Variants in SP100 observed in about 807,000 individuals in gnomAD.
SP100 encodes the protein SP100 nuclear body protein.
In SP100, 84 loss-of-function variants were observed where a neutral mutation model predicts 130.0. The observed-to-expected ratio is 0.65, with a 90% CI of 0.54 to 0.77. The LOEUF (loss-of-function observed/expected upper bound fraction) is 0.77, where lower values mean the gene tolerates loss of function less well. Among genes scored for constraint, SP100 ranks in the 30% least tolerant of loss-of-function variants. The pLI, the probability that SP100 is intolerant of heterozygous loss-of-function variation, is 0.00. For missense variants in SP100, 978 were observed against 1,052.2 expected, an observed-to-expected ratio of 0.93 and a Z score of 0.97; for synonymous variants, 331 against 351.7, an observed-to-expected ratio of 0.94 and a Z score of 0.66.
intron 3 of SP100, among the ~76,000 whole-genome samples, 184 bp from the exon 4 acceptor site, chr2:230,443,993 AT>A (rs2063579328): frequency 6.6e-6 from 1 of 152,236 alleles, no homozygotes; most frequent in East Asian, 1.9e-4. Flanking sequence ...ATCAGTGGGC[AT>A]TTTTAAGGAC....
intron 24 of SP100, 133 bp downstream of exon 24, chr2:230,511,299 C>T: frequency 4.2e-6 from 3 of 719,570 alleles, no homozygotes; most frequent in South Asian, 1.5e-5. Flanking sequence ...TTAGAAGATG[C>T]AAGCCAGGTA....
chr2:230,504,349 C>A, intron 21 of SP100, 59 bp downstream of exon 21: 3 of 1,029,816 alleles, frequency 2.9e-6, no homozygotes, highest in Non-Finnish European at 3.0e-6. Flanking sequence ...AGATAGCATA[C>A]TGTTTAGGAG....
chr2:230,480,235 T>G (rs1272210545), intron 17 of SP100, among the ~76,000 whole-genome samples: 13 of 152,232 alleles, frequency 8.5e-5, no homozygotes, highest in Non-Finnish European at 1.8e-4. Context: ...TGATTCACAG[T>G]AAGTGCCCGA....
intron 18 of SP100, among the ~76,000 whole-genome samples, chr2:230,497,573 AAAGGAAAGGAAAGGAAAG>A (rs2066762409): frequency 7.5e-6 from 1 of 133,256 alleles, no homozygotes; most frequent in African/African-American, 2.6e-5. Flanking sequence ...AAAGGAAAGG[AAAGGAAAGGAAAGGAAAG>A]GAAAGGAAAG....
chr2:230,436,390 G>T (rs982202928), intron 2 of SP100, among the ~76,000 whole-genome samples: 2 of 152,060 alleles, frequency 1.3e-5, no homozygotes, highest in African/African-American at 2.4e-5. Flanking sequence ...GGTGTTAAGG[G>T]AGAGACCAGA....
intron 24 of SP100, chr2:230,514,968 AG>A: frequency 1.3e-6 from 2 of 1,492,126 alleles, no homozygotes; most frequent in African/African-American, 2.8e-5. Context: ...GGCGCAAGTG[AG>A]AGCTGGACAG....
chr2:230,506,824 C>T (rs1678176), intron 22 of SP100: 119,519 of 151,802 alleles, frequency 0.79, 47,777 homozygotes, highest in Middle Eastern at 0.85. Flanking sequence ...CACACACACA[C>T]ATATTTAACA....
At chr2:230,505,752 C>T (rs953810397) in intron 21 of SP100, among the ~76,000 whole-genome samples, 1 of 152,186 alleles carries the variant, frequency 6.6e-6, no homozygotes, top group Non-Finnish European at 1.5e-5. Flanking sequence ...CACTATATAA[C>T]ATTTCCATAA....
At chr2:230,439,310 A>T (rs1183130321) in intron 2 of SP100, among the ~76,000 whole-genome samples, 1 of 151,730 alleles carries the variant, frequency 6.6e-6, no homozygotes, top group Non-Finnish European at 1.5e-5. Context: ...GAATTTTAGG[A>T]TTGTTTTTTC....
chr2:230,515,089 T>G, intron 24 of SP100: 1 of 1,612,558 alleles, frequency 6.2e-7, no homozygotes, highest in Admixed American at 1.7e-5. Flanking sequence ...TGTGCAAACT[T>G]GTCAGGAGGA....
chr2:230,512,816 G>T (rs1690696033), intron 24 of SP100, among the ~76,000 whole-genome samples: 1 of 152,090 alleles, frequency 6.6e-6, no homozygotes, highest in Non-Finnish European at 1.5e-5. Context: ...AGAATCAGTG[G>T]GAGCCCTGAG....
chr2:230,444,448 G>A, intron 4 of SP100, 102 bp downstream of exon 4: 4 of 912,504 alleles, frequency 4.4e-6, no homozygotes, highest in Non-Finnish European at 6.8e-6. Context: ...TTGGGCAGTG[G>A]GCATAGAGTA....
chr2:230,498,773 T>C (rs997605566), intron 19 of SP100, among the ~76,000 whole-genome samples: 2 of 152,148 alleles, frequency 1.3e-5, no homozygotes, highest in African/African-American at 4.8e-5. Flanking sequence ...GTGCTTCCTC[T>C]CCTGAGCTGA....
chr2:230,449,750 G>C (rs762814838), intron 7 of SP100, 40 bp downstream of exon 7: 7 of 1,610,708 alleles, frequency 4.3e-6, no homozygotes, highest in Middle Eastern at 3.3e-4. Flanking sequence ...GAGGAGCCAA[G>C]GGGCCCTGGC....
At position 230,464,149 on chromosome 2, in the gene SP100, AG is replaced by A. The variant is rs879257841; in HGVS notation, c.1141+1del. On this transcript the variant is annotated frameshift_variant and splice_region_variant, in exon 11 of 29. Transcript: ENST00000340126. LOFTEE classifies it high-confidence loss of function. ...ATCSRPQIVP[E>X]PMDFRKLSTF... ...CTTGCTCACGACCCCAGATTGTACC[AG>A]GTAAGAATATTAGAGTTGCAACCCG... The A allele has an allele frequency of 3.1e-6, 5 of 1,593,032 alleles. No homozygotes were observed. The highest frequency in any genetic ancestry group is 4.3e-6 in the Non-Finnish European group (5 of 1,160,938).
chr2:230,469,948 A>G, intron 14 of SP100, 67 bp from the exon 15 acceptor site: 8 of 1,546,128 alleles, frequency 5.2e-6, no homozygotes, highest in African/African-American at 1.4e-5. Flanking sequence ...TTTTGCTTTT[A>G]AAGAATTCCC....
At chr2:230,470,537 T>C (rs2065215022) in intron 15 of SP100, 2 of 505,076 alleles carry the variant, frequency 4.0e-6, no homozygotes, top group South Asian at 1.7e-4. Context: ...CAAACGTTAG[T>C]ATAGTTTTTG....
intron 22 of SP100, chr2:230,506,776 G>T: frequency 5.0e-6 from 1 of 199,780 alleles, no homozygotes; most frequent in Non-Finnish European, 9.5e-6. Flanking sequence ...GGAGGTAAAT[G>T]TTAAATACAC....
intron 17 of SP100, among the ~76,000 whole-genome samples, chr2:230,476,041 A>G (rs1038258894): frequency 6.6e-6 from 1 of 152,160 alleles, no homozygotes; most frequent in Admixed American, 6.5e-5. Flanking sequence ...GTTCCAACTG[A>G]GTTTTAGAAT....
Sources: gnomAD v4.1 joint callset for allele counts (sites outside exome capture counted in the v4.1 genomes callset) on GRCh38, gnomAD v4.1.1 for gene constraint, MANE v1.5 for transcripts, NCBI Gene and HGNC (gene_info 2026-07-23, HGNC 2026-07-21) for gene names.